The following GSN variants were observed in gnomAD, a reference collection of about 807,000 sequenced individuals.
GSN encodes actin-depolymerizing factor.
GSN carries 56 observed loss-of-function variants against 85.7 expected under a neutral mutation model. The ratio of observed to expected loss-of-function variants is 0.65; its 90% CI spans 0.53 to 0.82. The LOEUF (loss-of-function observed/expected upper bound fraction) is 0.82. Among genes scored for constraint, GSN ranks in the 40% least tolerant of loss-of-function variants. The pLI is 0.00. For missense variants in GSN, 857 were observed against 979.8 expected (o/e 0.87, Z 1.67); for synonymous variants, 373 against 399.1 (o/e 0.93, Z 0.78).
In GSN at chr9:121,301,978, G is replaced by A; in HGVS notation, c.7G>A (p.Val3Met). ...CTCATCCCAGCCCAACAGCATGGTG[G>A]TGGAACACCCCGAGTTCCTCAAGGC... MV[V>M]EHPEFLKAGK... The change falls in exon 3 of 18, where the codon GTG becomes ATG. Residue 3 changes from valine (V) to methionine (M), a missense_variant. Transcript: ENST00000432226. 6.2e-7 allele frequency: 1 copy of A among 1,614,216 alleles called. No individual in the cohort carries two copies. Among genetic ancestry groups the A allele is most frequent in the Non-Finnish European group, 8.5e-7 (1 of 1,180,014 alleles).
intron 2 of GSN, among the ~76,000 whole-genome samples, chr9:121,289,886 C>T (rs2058522677): frequency 6.6e-6 from 1 of 152,124 alleles, no homozygotes; most frequent in South Asian, 2.1e-4. Flanking sequence ...CTGTCTGCAC[C>T]GAGGTCTGCA....
chr9:121,301,625 CAAAA>C (rs753963979), intron 2 of GSN, among the ~76,000 whole-genome samples: 2 of 56,004 alleles, frequency 3.6e-5, no homozygotes, highest in East Asian at 5.4e-4. Flanking sequence ...GACTCTGTCT[CAAAA>C]AAAAAAAAAA....
At chr9:121,272,888 A>G (rs1157449596) in intron 1 of GSN, among the ~76,000 whole-genome samples, 1 of 152,140 alleles carries the variant, frequency 6.6e-6, no homozygotes, top group African/African-American at 2.4e-5. Context: ...CCATTTTACC[A>G]GTGAGGAAAC....
At chr9:121,286,271 A>T in intron 2 of GSN, 1 of 863,410 alleles carries the variant, frequency 1.2e-6, no homozygotes, top group Non-Finnish European at 1.8e-6. Context: ...CCCGCTCCTG[A>T]CTCCTAGTTC....
At chr9:121,323,499 A>G (rs776014398) in intron 11 of GSN, among the ~76,000 whole-genome samples, 3 of 151,006 alleles carry the variant, frequency 2.0e-5, no homozygotes, top group Non-Finnish European at 4.4e-5. Flanking sequence ...CCTCCTGAGT[A>G]TCTGGGACTA....
chr9:121,210,554 T>C (rs1564331547), intron 3 of GSN, among the ~76,000 whole-genome samples: 1 of 152,174 alleles, frequency 6.6e-6, no homozygotes, highest in Non-Finnish European at 1.5e-5. Flanking sequence ...ATCTGGCTGA[T>C]CTGGGGCCTT....
rs756053203 is a variant in GSN at position 121,328,998 on chromosome 9, A to G, written c.1870A>G (p.Lys624Glu). 2.0e-5 allele frequency: 33 copies of G among 1,613,780 alleles called. No homozygotes were observed. Among genetic ancestry groups the G allele is most frequent in the Non-Finnish European group, 2.7e-5 (32 of 1,180,010 alleles). The change falls in exon 15 of 18, where the codon AAG (lysine) becomes GAG (glutamate). Residue 624 changes from lysine to glutamate, a missense_variant. By Grantham distance (56) the Lys-to-Glu change is moderately conservative. Transcript: ENST00000432226. ...TCCTCGCCTCTTTGCCTGCTCCAAC[A>G]AGATTGGACGTTTTGTGGTGAGCCC... ...HPPRLFACSNKIGRFVIEEVP... is the reference protein window; with the variant it reads ...HPPRLFACSNEIGRFVIEEVP...
intron 1 of GSN, among the ~76,000 whole-genome samples, chr9:121,270,329 A>T (rs2055755824): frequency 6.6e-6 from 1 of 151,946 alleles, no homozygotes; most frequent in Non-Finnish European, 1.5e-5. Flanking sequence ...ATTTTTAAAA[A>T]CTCGTTATTC....
intron 10 of GSN, among the ~76,000 whole-genome samples, 168 bp downstream of exon 10, chr9:121,319,048 C>G (rs1056176582): frequency 6.6e-5 from 10 of 152,234 alleles, no homozygotes; most frequent in African/African-American, 2.2e-4. Context: ...GTGTATCAGG[C>G]CCTGAGCCAA....
chr9:121,201,957 G>A, the GSN span: 6 of 153,256 alleles, frequency 3.9e-5, no homozygotes, highest in East Asian at 1.9e-4. Context: ...CGCAGCTGGC[G>A]GAGCCCGGAA....
chr9:121,299,442 T>G lies in GSN; in HGVS notation c.-9-2521T>G. ...GTAAAATGGGTTGGCCGTTGTACCCTCTCTGAAAAGGATGTGCTGATGCCT... is the reference window on the plus strand; with the variant it reads ...GTAAAATGGGTTGGCCGTTGTACCCGCTCTGAAAAGGATGTGCTGATGCCT... On this transcript the variant is annotated intron_variant, in intron 2 of 17. Coordinates refer to ENST00000432226, the MANE Select transcript of GSN (RefSeq NM_198252.3). This position sits in a 1 kb window ranked among gnomAD's most constrained non-coding sequence, Gnocchi z 4.2. The G allele has an allele frequency of 1.0e-6, 1 of 984,876 alleles. No individual in the cohort carries two copies. The highest frequency in any genetic ancestry group is 1.2e-6 in the Non-Finnish European group (1 of 829,412). 61.0% of individuals were successfully genotyped at this position (984,876 alleles called of 1,614,324 possible). A position where few individuals can be genotyped will look rare whatever the true frequency, so the allele number is the denominator to read the frequency against.
chr9:121,282,590 C>A, intron 2 of GSN: 2 of 1,068,776 alleles, frequency 1.9e-6, no homozygotes, highest in Non-Finnish European at 2.4e-6. Context: ...TGTTGTGCCC[C>A]AAAAGCCAGG....
At chr9:121,322,652 A>T (rs1455013090) in intron 11 of GSN, among the ~76,000 whole-genome samples, 1 of 152,152 alleles carries the variant, frequency 6.6e-6, no homozygotes, top group Admixed American at 6.5e-5. Context: ...AGCATTTTAC[A>T]TTCCCACCAA....
chr9:121,273,628 C>T (rs1192863860), intron 1 of GSN, among the ~76,000 whole-genome samples: 1 of 152,068 alleles, frequency 6.6e-6, no homozygotes, highest in African/African-American at 2.4e-5. Context: ...TTTTTTTACC[C>T]CCACACAATT....
At chr9:121,262,373 G>A (rs952862864) in intron 6 of GSN, among the ~76,000 whole-genome samples, 3 of 152,182 alleles carry the variant, frequency 2.0e-5, no homozygotes, top group African/African-American at 7.2e-5. Flanking sequence ...TTGTAAAATT[G>A]GAGACAAGAA....
At chr9:121,266,490 G>A (rs1309910509), upstream of GSN, among the ~76,000 whole-genome samples, 1 of 152,228 alleles carries the variant, frequency 6.6e-6, no homozygotes, top group Non-Finnish European at 1.5e-5. Flanking sequence ...TAGCAGAGAT[G>A]GTGTGAGCCT....
Position 121,332,383 on chromosome 9 carries a change from G to A in GSN, c.2027-51G>A. 4 of 1,518,828 alleles carry A rather than the reference G, an allele frequency of 2.6e-6. No individual in the cohort carries two copies. The South Asian group carries it at 3.4e-5, about 13-fold the overall frequency. 94.1% of individuals were successfully genotyped at this position (1,518,828 alleles called of 1,614,324 possible). A position where few individuals can be genotyped will look rare whatever the true frequency, so the allele number is the denominator to read the frequency against. On this transcript the variant is annotated intron_variant, in intron 17 of 17. Coordinates refer to ENST00000432226, the MANE Select transcript of GSN (RefSeq NM_198252.3). This position sits in a 1 kb window ranked among gnomAD's most constrained non-coding sequence, Gnocchi z 4.8. ...CCTGAGTCACCCTCTCCCTGGTGTG[G>A]GAGGCACTAAGAATTCCTGGGGTTT...
intron 1 of GSN, among the ~76,000 whole-genome samples, chr9:121,278,590 C>T (rs868859018): frequency 1.3e-5 from 2 of 152,218 alleles, no homozygotes; most frequent in African/African-American, 4.8e-5. Flanking sequence ...TATTAGAAGG[C>T]GTCTTCTGTT....
At position 121,288,055 on chromosome 9, in the gene GSN, T is replaced by C. The variant is rs373080746; in HGVS notation, c.-10+6493T>C. Among the ~76,000 whole-genome samples, 3 of 152,170 alleles carry C rather than the reference T, an allele frequency of 2.0e-5. No individual in the cohort carries two copies. The East Asian group carries it at 5.8e-4, about 29-fold the overall frequency. On this transcript the variant is annotated intron_variant, in intron 2 of 17. Transcript: ENST00000432226. ...GATCCTCCCACCTCAGCCTCCCGAG[T>C]AGGTGGGACCACAGGCACACACCAT...
Sources: allele counts gnomAD v4.1 joint callset (sites outside exome capture counted in the v4.1 genomes callset), GRCh38; gene constraint gnomAD v4.1.1; non-coding constraint Gnocchi (gnomAD v3.1); transcripts MANE v1.5; gene names NCBI Gene and HGNC (gene_info 2026-07-23, HGNC 2026-07-21).